The following ZDHHC20 variants were observed in gnomAD, a reference collection of about 807,000 sequenced individuals.
ZDHHC20 encodes palmitoyltransferase ZDHHC20.
A neutral mutation model predicts 57.8 loss-of-function variants in ZDHHC20; 43 were observed. That is an observed-to-expected ratio of 0.74 (90% confidence interval 0.58 to 0.96). The LOEUF is 0.96. Ranked by LOEUF, ZDHHC20 falls within the 40% of genes least tolerant of loss-of-function variation. The probability of loss-of-function intolerance (pLI) is 0.00; values close to 1 mark genes in which losing one functional copy is unlikely to be tolerated. For missense variants in ZDHHC20, 391 were observed against 441.1 expected (o/e 0.89, Z 1.02); for synonymous variants, 157 against 153.0 (o/e 1.03, Z -0.19).
At chr13:21,451,365 G>A (rs1371846370) in intron 1 of ZDHHC20, among the ~76,000 whole-genome samples, 1 of 152,110 alleles carries the variant, frequency 6.6e-6, no homozygotes, top group East Asian at 1.9e-4. Context: ...TTCAATTCAA[G>A]TTATATTAAT....
At chr13:21,380,597 T>C (rs1210776771) in intron 11 of ZDHHC20, among the ~76,000 whole-genome samples, 1 of 151,372 alleles carries the variant, frequency 6.6e-6, no homozygotes, top group Non-Finnish European at 1.5e-5. Context: ...ATCGAGACCA[T>C]CCTGGCCAAC....
chr13:21,379,428 C>T (rs1419451262), intron 11 of ZDHHC20, among the ~76,000 whole-genome samples: 2 of 152,032 alleles, frequency 1.3e-5, no homozygotes, highest in East Asian at 3.9e-4. Context: ...ACTACAGACA[C>T]ATGCTATCAG....
intron 4 of ZDHHC20, among the ~76,000 whole-genome samples, chr13:21,406,241 C>A (rs1488346696): frequency 1.3e-5 from 2 of 152,070 alleles, no homozygotes; most frequent in African/African-American, 4.8e-5. Context: ...ACTTTTGGGC[C>A]CTGGGACATC....
chr13:21,374,594 G>C lies in ZDHHC20; in HGVS notation c.*2102C>G. Reference sequence around the variant, plus strand: ...CTAGAATCAAGATTACTAAGGAGTTGAAACAAAGGTAGAAGAATCCATACT... The same window carrying C: ...CTAGAATCAAGATTACTAAGGAGTTCAAACAAAGGTAGAAGAATCCATACT... On this transcript the variant is annotated 3_prime_UTR_variant, in exon 13 of 13. Coordinates refer to ENST00000400590, the MANE Select transcript of ZDHHC20 (RefSeq NM_001330059.2). The C allele has an allele frequency of 3.5e-6, 1 of 284,640 alleles. No homozygotes were observed. Among genetic ancestry groups the C allele is most frequent in the South Asian group, 3.2e-5 (1 of 31,470 alleles). The allele number at this position is 284,640 out of a possible 1,614,324, so 17.6% of individuals were successfully genotyped here. A position where few individuals can be genotyped will look rare whatever the true frequency, so the allele number is the denominator to read the frequency against.
chr13:21,451,604 AT>A (rs1217547144), intron 1 of ZDHHC20, among the ~76,000 whole-genome samples: 3 of 152,314 alleles, frequency 2.0e-5, no homozygotes, highest in African/African-American at 7.2e-5. Flanking sequence ...ACAAATTAGG[AT>A]GTGAAGTGAA....
intron 12 of ZDHHC20, among the ~76,000 whole-genome samples, chr13:21,377,448 C>T: frequency 8.5e-6 from 1 of 117,746 alleles, no homozygotes; most frequent in African/African-American, 3.9e-5. Flanking sequence ...TCTGACTCTG[C>T]CCGACGTGAC....
Position 21,447,517 on chromosome 13 carries a change from C to T in ZDHHC20, c.118+11537G>A, listed in dbSNP as rs1380524580. ...CGGGCCGGTCTCCAGCCCCTAACCG[C>T]GAGTGATCCGCCAGCCTTGGCCTCC... On this transcript the variant is annotated intron_variant, in intron 1 of 12. Coordinates refer to ENST00000400590, the MANE Select transcript of ZDHHC20 (RefSeq NM_001330059.2). Among the ~76,000 whole-genome samples the T allele has an allele frequency of 5.8e-4, 86 of 147,122 alleles. 1 individual carries two copies. In the South Asian group the frequency reaches 0.014, roughly 25 times the overall value.
intron 2 of ZDHHC20, among the ~76,000 whole-genome samples, chr13:21,424,710 CA>C (rs10709528): frequency 0.29 from 36,335 of 124,862 alleles, 5,023 homozygotes; most frequent in South Asian, 0.38. Context: ...GACTCTGTCT[CA>C]AAAAAAAAAA....
At chr13:21,423,132 G>A (rs1880829506) in intron 2 of ZDHHC20, among the ~76,000 whole-genome samples, 1 of 152,108 alleles carries the variant, frequency 6.6e-6, no homozygotes, top group African/African-American at 2.4e-5. Flanking sequence ...TTTTCACTAT[G>A]TCCTAGCTAA....
chr13:21,381,890 A>G (rs770867936), intron 10 of ZDHHC20: 2 of 551,666 alleles, frequency 3.6e-6, no homozygotes, highest in Non-Finnish European at 7.1e-6. Flanking sequence ...TGGCCAGTAC[A>G]AAACAATTAC....
In ZDHHC20 at chr13:21,414,588, G is replaced by A. The variant is rs1382254172; in HGVS notation, c.250-816C>T. Among the ~76,000 whole-genome samples the A allele has an allele frequency of 7.6e-5, 11 of 143,864 alleles. No homozygotes were observed. The Admixed American group carries it at 8.2e-4, about 11-fold the overall frequency. 94.4% of individuals were successfully genotyped at this position (143,864 alleles called of 152,430 possible). A position where few individuals can be genotyped will look rare whatever the true frequency, so the allele number is the denominator to read the frequency against. ...AGGTTTCACCGTGTTAGCCAGGATG[G>A]TCTCGATCTCCTGACCTCGTGATCT... On this transcript the variant is annotated intron_variant, in intron 3 of 12. Coordinates refer to ENST00000400590, the MANE Select transcript of ZDHHC20 (RefSeq NM_001330059.2).
intron 4 of ZDHHC20, among the ~76,000 whole-genome samples, chr13:21,410,673 A>G (rs927535725): frequency 6.6e-5 from 10 of 152,150 alleles, no homozygotes; most frequent in Admixed American, 3.9e-4. Context: ...GGGAAAATCC[A>G]CTTACTCAAG....
intron 1 of ZDHHC20, among the ~76,000 whole-genome samples, chr13:21,441,549 C>CTTTTTTTTTT (rs397851910): frequency 4.6e-5 from 3 of 65,326 alleles, no homozygotes; most frequent in African/African-American, 6.8e-5. Flanking sequence ...CCACGCCCGG[C>CTTTTTTTTTT]TTTTTTTTTT....
At chr13:21,422,342 C>T in intron 2 of ZDHHC20, among the ~76,000 whole-genome samples, 1 of 151,592 alleles carries the variant, frequency 6.6e-6, no homozygotes, top group Non-Finnish European at 1.5e-5. Flanking sequence ...GTTTGAAGTA[C>T]TGTCCTTCCT....
chr13:21,457,445 T>C (rs1885019051), intron 1 of ZDHHC20, among the ~76,000 whole-genome samples: 1 of 152,228 alleles, frequency 6.6e-6, no homozygotes, highest in South Asian at 2.1e-4. Flanking sequence ...TACCACTTTC[T>C]GGAAGTAGCT....
chr13:21,392,731 T>C (rs1875965846), intron 7 of ZDHHC20, among the ~76,000 whole-genome samples: 1 of 152,216 alleles, frequency 6.6e-6, no homozygotes, highest in African/African-American at 2.4e-5. Flanking sequence ...AACACGAGGC[T>C]GTTCTGCTTG....
intron 7 of ZDHHC20, among the ~76,000 whole-genome samples, chr13:21,392,385 TTGC>T (rs1364564703): frequency 3.3e-5 from 5 of 152,372 alleles, no homozygotes; most frequent in Non-Finnish European, 5.9e-5. Flanking sequence ...TTATTTAGAT[TTGC>T]TGCTAACTAA....
At chr13:21,399,469 A>G (rs1055783685) in intron 7 of ZDHHC20, among the ~76,000 whole-genome samples, 1 of 152,128 alleles carries the variant, frequency 6.6e-6, no homozygotes, top group Non-Finnish European at 1.5e-5. Context: ...AATGAAAAAC[A>G]GCAGTTCTCC....
chr13:21,381,525 AG>A lies in ZDHHC20; in HGVS notation c.968del (p.Pro323LeufsTer37), dbSNP rs753004329. On this transcript the variant is annotated frameshift_variant, in exon 11 of 13. Transcript: ENST00000400590. LOFTEE classifies it high-confidence loss of function. ...ARSSGSNQPF[P>X]IKPLSESKNR... ...TTTTTGATTCACTAAGTGGTTTGAT[AG>A]GAAAAGGTTGATTTGAGCCACTACT... 37 of 1,613,648 alleles carry A rather than the reference AG, an allele frequency of 2.3e-5. No individual in the cohort carries two copies. The highest frequency in any genetic ancestry group is 3.1e-5 in the Non-Finnish European group (36 of 1,179,776).
Sources: allele counts gnomAD v4.1 joint callset (sites outside exome capture counted in the v4.1 genomes callset), GRCh38; gene constraint gnomAD v4.1.1; transcripts MANE v1.5; gene names NCBI Gene and HGNC (gene_info 2026-07-23, HGNC 2026-07-21).